Variants in DIP2B observed in about 807,000 individuals in gnomAD.
DIP2B encodes DIP2 acetate--CoA ligase B (putative).
DIP2B carries 76 observed loss-of-function variants against 198.0 expected under a neutral mutation model. That is an observed-to-expected ratio of 0.38 (90% confidence interval 0.32 to 0.46). The LOEUF is 0.46. Among genes scored for constraint, DIP2B ranks in the 20% least tolerant of loss-of-function variants. DIP2B has a pLI of 0.99. For missense variants in DIP2B, 1,559 were observed against 1,978.4 expected (o/e 0.79, Z 4.02); for synonymous variants, 701 against 739.1 (o/e 0.95, Z 0.84).
intron 26 of DIP2B, among the ~76,000 whole-genome samples, chr12:50,722,777 C>T (rs1939866056): frequency 6.6e-6 from 1 of 152,170 alleles, no homozygotes; most frequent in South Asian, 2.1e-4. Flanking sequence ...CATACCCCTT[C>T]AACAACATCT....
intron 4 of DIP2B, among the ~76,000 whole-genome samples, chr12:50,664,538 T>C (rs1938711930): frequency 6.6e-6 from 1 of 152,206 alleles, no homozygotes; most frequent in African/African-American, 2.4e-5. Flanking sequence ...CAGCTCTTTC[T>C]TTGTAGGGGT....
chr12:50,705,811 T>C (rs78120920), intron 20 of DIP2B, among the ~76,000 whole-genome samples: 2,698 of 152,286 alleles, frequency 0.018, 92 homozygotes, highest in African/African-American at 0.062. Context: ...GGGCACTACA[T>C]TGTGCTTAGT....
At chr12:50,735,478 T>G (rs931634767) in intron 34 of DIP2B, among the ~76,000 whole-genome samples, 3 of 85,738 alleles carry the variant, frequency 3.5e-5, no homozygotes, top group Non-Finnish European at 5.9e-5. Context: ...TTGTTTTTTG[T>G]TTTTTTTGAG....
At chr12:50,643,677 A>G (rs1401842921) in intron 3 of DIP2B, among the ~76,000 whole-genome samples, 1 of 152,102 alleles carries the variant, frequency 6.6e-6, no homozygotes, top group Non-Finnish European at 1.5e-5. Flanking sequence ...TGTGAAAGAA[A>G]TTGAGTCTCT....
intron 22 of DIP2B, among the ~76,000 whole-genome samples, chr12:50,709,206 A>G (rs928769066): frequency 3.2e-4 from 49 of 152,364 alleles, no homozygotes; most frequent in African/African-American, 1.0e-3. Flanking sequence ...GCAAAGTAGG[A>G]TAAAATTATC....
At chr12:50,511,928 C>T (rs942047682) in intron 1 of DIP2B, among the ~76,000 whole-genome samples, 5 of 104,694 alleles carry the variant, frequency 4.8e-5, no homozygotes, top group Non-Finnish European at 3.5e-5. Flanking sequence ...AGCCTGGCAA[C>T]AGAGCAAGAC....
chr12:50,715,357 T>C (rs1254121845), intron 23 of DIP2B, among the ~76,000 whole-genome samples: 1 of 152,190 alleles, frequency 6.6e-6, no homozygotes, highest in Non-Finnish European at 1.5e-5. Flanking sequence ...GGCTCCAGGC[T>C]TAGGTTGGGT....
At chr12:50,637,340 T>C (rs1938178830) in intron 2 of DIP2B, among the ~76,000 whole-genome samples, 1 of 152,212 alleles carries the variant, frequency 6.6e-6, no homozygotes, top group Non-Finnish European at 1.5e-5. Flanking sequence ...TCTAGTCCAG[T>C]CTCATTTTGT....
At chr12:50,523,586 A>G (rs1215372384) in intron 1 of DIP2B, among the ~76,000 whole-genome samples, 1 of 152,242 alleles carries the variant, frequency 6.6e-6, no homozygotes, top group Non-Finnish European at 1.5e-5. Flanking sequence ...ACATGGAAGA[A>G]TAAATAGAAT....
chr12:50,730,653 C>G (rs1565884865), intron 30 of DIP2B, among the ~76,000 whole-genome samples: 1 of 152,202 alleles, frequency 6.6e-6, no homozygotes. Flanking sequence ...TCCCAAAGTA[C>G]TGGGATTACA....
At position 50,675,938 on chromosome 12, in the gene DIP2B, G is replaced by A. The variant is rs528067271; in HGVS notation, c.916+490G>A. Among the ~76,000 whole-genome samples the A allele has an allele frequency of 2.6e-5, 4 of 152,212 alleles. No homozygotes were observed. In the East Asian group the frequency reaches 5.8e-4, roughly 22 times the overall value. On this transcript the variant is annotated intron_variant, in intron 7 of 37. Coordinates refer to ENST00000301180, the MANE Select transcript of DIP2B (RefSeq NM_173602.3). ...AAAATACAGTTATTTCCTTCATGTTGTTTACAATTTAGACGGGTGCTAAAA... is the reference window on the plus strand; with the variant it reads ...AAAATACAGTTATTTCCTTCATGTTATTTACAATTTAGACGGGTGCTAAAA...
rs367872083 is a variant in DIP2B at position 50,592,609 on chromosome 12, C to G, written c.101-33367C>G. 8.5e-5 allele frequency among the ~76,000 whole-genome samples: 13 copies of G among 152,234 alleles called. No homozygotes were observed. In the East Asian group the frequency reaches 1.5e-3, roughly 18 times the overall value. On this transcript the variant is annotated intron_variant, in intron 1 of 37. Coordinates refer to ENST00000301180, the MANE Select transcript of DIP2B (RefSeq NM_173602.3). ...TCTCCTGCCTCAGCCTCCTGAGTAGCTGGGATTACAGGCACACGCCACTAC... is the reference window on the plus strand; with the variant it reads ...TCTCCTGCCTCAGCCTCCTGAGTAGGTGGGATTACAGGCACACGCCACTAC...
intron 1 of DIP2B, among the ~76,000 whole-genome samples, chr12:50,515,439 C>T (rs904091452): frequency 3.9e-5 from 6 of 152,152 alleles, no homozygotes; most frequent in African/African-American, 4.8e-5. Flanking sequence ...CCATGTTGGT[C>T]AGGCTAGTCT....
At position 50,671,315 on chromosome 12, in the gene DIP2B, C is replaced by T; in HGVS notation, c.557C>T (p.Ser186Leu). The change falls in exon 5 of 38, where the codon TCA (serine) becomes TTA (leucine). Residue 186 changes from serine (S) to leucine (L), a missense_variant. Coordinates refer to ENST00000301180, the MANE Select transcript of DIP2B (RefSeq NM_173602.3). ...NRSIQGSSTS[S>L]SASSTLSHGE... ...TCAATTCAGGGATCGTCCACTTCTT[C>T]ATCCGCATCTTCTACGCTGTCCCAC... The T allele has an allele frequency of 6.2e-7, 1 of 1,614,172 alleles. No homozygotes were observed. The highest frequency in any genetic ancestry group is 2.2e-5 in the East Asian group (1 of 44,884).
intron 1 of DIP2B, among the ~76,000 whole-genome samples, chr12:50,612,502 C>G (rs1302702851): frequency 2.0e-5 from 3 of 150,078 alleles, no homozygotes; most frequent in African/African-American, 4.9e-5. Context: ...CATCTTGGCT[C>G]ACTGCAACCT....
At chr12:50,602,587 G>A (rs1035313142) in intron 1 of DIP2B, among the ~76,000 whole-genome samples, 2 of 152,238 alleles carry the variant, frequency 1.3e-5, no homozygotes, top group Admixed American at 1.3e-4. Flanking sequence ...AGGGGGCTGG[G>A]TGCGGTGGCT....
intron 29 of DIP2B, 132 bp from the exon 30 acceptor site, chr12:50,728,416 C>T (rs1437509485): frequency 7.7e-5 from 83 of 1,079,682 alleles, no homozygotes; most frequent in Non-Finnish European, 1.0e-4. Flanking sequence ...TTAGATTAGG[C>T]TTTGAAGCAC....
intron 4 of DIP2B, among the ~76,000 whole-genome samples, chr12:50,663,804 A>G (rs1938697746): frequency 6.9e-6 from 1 of 144,788 alleles, no homozygotes. Context: ...CCAGAGGTCA[A>G]GGCTGCAGTG....
chr12:50,630,743 C>T (rs188792074), intron 2 of DIP2B, among the ~76,000 whole-genome samples: 1 of 137,340 alleles, frequency 7.3e-6, no homozygotes, highest in East Asian at 2.3e-4. Context: ...GTGATCTCGG[C>T]TCACTGCAAC....
Sources: gnomAD v4.1 joint callset for allele counts (sites outside exome capture counted in the v4.1 genomes callset) on GRCh38, gnomAD v4.1.1 for gene constraint, MANE v1.5 for transcripts, NCBI Gene and HGNC (gene_info 2026-07-23, HGNC 2026-07-21) for gene names.